IARS1: variants seen among roughly 807,000 people sequenced by gnomAD.
The protein encoded by IARS1 is isoleucine--tRNA ligase, cytoplasmic.
A neutral mutation model predicts 168.2 loss-of-function variants in IARS1; 124 were observed. The ratio of observed to expected loss-of-function variants is 0.74; its 90% confidence interval spans 0.64 to 0.86. The LOEUF is 0.86. Among genes scored for constraint, IARS1 ranks in the 40% least tolerant of loss-of-function variants. The probability of loss-of-function intolerance (pLI) is 0.00; values close to 1 mark genes in which losing one functional copy is unlikely to be tolerated. For synonymous variants in IARS1, 532 were observed against 529.4 expected (o/e 1.00, Z -0.07); for missense variants, 1,452 against 1,515.8 (o/e 0.96, Z 0.70).
chr9:92,280,245 T>C (rs975756856), intron 7 of IARS1, among the ~76,000 whole-genome samples: 4 of 152,244 alleles, frequency 2.6e-5, no homozygotes, highest in Non-Finnish European at 4.4e-5. Context: ...CATAGCTTTT[T>C]TCATGGCAAT....
At chr9:92,235,960 T>C (rs9409660) in intron 30 of IARS1, among the ~76,000 whole-genome samples, 17,303 of 152,178 alleles carry the variant, frequency 0.11, 1,119 homozygotes, top group South Asian at 0.22. Context: ...TTTATATTCA[T>C]GTGGAATATC....
chr9:92,272,031 T>C (rs2133877803), intron 10 of IARS1, among the ~76,000 whole-genome samples: 1 of 152,338 alleles, frequency 6.6e-6, no homozygotes, highest in Admixed American at 6.5e-5. Flanking sequence ...AAATCAAATT[T>C]GATTTATAAC....
At chr9:92,250,125 G>A in intron 24 of IARS1, 62 bp downstream of exon 24, 1 of 1,134,956 alleles carries the variant, frequency 8.8e-7, no homozygotes, top group Admixed American at 1.7e-5. Context: ...TATTAAAAAA[G>A]CATTCCAAAC....
At chr9:92,291,881 C>T (rs555693829) in intron 1 of IARS1, among the ~76,000 whole-genome samples, 2 of 152,120 alleles carry the variant, frequency 1.3e-5, no homozygotes, top group Non-Finnish European at 2.9e-5. Context: ...TAACAAGATC[C>T]CTAGGGGATG....
chr9:92,210,685 T>C lies in IARS1; in HGVS notation c.*122A>G. 1.5e-6 allele frequency: 1 copy of C among 652,170 alleles called. No individual in the cohort carries two copies. Among genetic ancestry groups the C allele is most frequent in the Non-Finnish European group, 2.8e-6 (1 of 356,558 alleles). 40.4% of individuals were successfully genotyped at this position (652,170 alleles called of 1,614,324 possible). A position where few individuals can be genotyped will look rare whatever the true frequency, so the allele number is the denominator to read the frequency against. On this transcript the variant is annotated 3_prime_UTR_variant, in exon 34 of 34. Transcript: ENST00000443024. ...CATTTGAATTTCAATCCAAGCAGCA[T>C]ATTTTACACACACCTGAAGGAAATA... is the stretch of plus-strand genomic sequence containing the variant.
In IARS1 at chr9:92,229,021, G is replaced by C. The variant is rs146003002; in HGVS notation, c.3389C>G (p.Ala1130Gly). 1.7e-5 allele frequency: 28 copies of C among 1,613,942 alleles called. No homozygotes were observed. In the African/African-American group the frequency reaches 2.5e-4, roughly 15 times the overall value. ...CATACCTGTTTCATCATGGAAGACA[G>C]CCAGCTCTGTATTTTTCACACCAAA... ...SIFGVKNTEL[A>G]VFHDETEIQN... The change falls in exon 31 of 34, where the codon GCT becomes GGT. Residue 1130 changes from alanine (A) to glycine (G), a missense_variant. Physicochemically the swap from Ala to Gly is moderately conservative, Grantham distance 60. Transcript: ENST00000443024.
intron 26 of IARS1, among the ~76,000 whole-genome samples, chr9:92,246,597 T>C (rs758860294): frequency 6.6e-6 from 1 of 152,170 alleles, no homozygotes; most frequent in Non-Finnish European, 1.5e-5. Context: ...TCCCAAATCT[T>C]CAATGTCAGC....
At chr9:92,293,384 T>C (rs1044626644) in intron 1 of IARS1, 7 of 479,320 alleles carry the variant, frequency 1.5e-5, no homozygotes, top group Non-Finnish European at 3.0e-5. Flanking sequence ...GTCACAGCTA[T>C]ATCAATTTAT....
At chr9:92,235,433 T>C (rs149237861) in intron 30 of IARS1, among the ~76,000 whole-genome samples, 1 of 152,262 alleles carries the variant, frequency 6.6e-6, no homozygotes, top group Non-Finnish European at 1.5e-5. Flanking sequence ...GAATGGGTGT[T>C]GAATTTGATC....
In IARS1 at chr9:92,268,307, T is replaced by C. The variant is rs374021299; in HGVS notation, c.1305-7A>G. ...TCGTACCAACTCTGGGACCCTGCAA[T>C]AAACAGATCACATAACCAATCACAT... On this transcript the variant is annotated splice_region_variant and splice_polypyrimidine_tract_variant and intron_variant, in intron 13 of 33. Coordinates refer to ENST00000443024, the MANE Select transcript of IARS1 (RefSeq NM_002161.6). The C allele has an allele frequency of 1.5e-4, 235 of 1,606,560 alleles. No individual in the cohort carries two copies. The African/African-American group carries it at 2.6e-3, about 18-fold the overall frequency.
At chr9:92,260,346 G>A (rs1038514855) in intron 17 of IARS1, 112 bp from the exon 18 acceptor site, 6 of 808,928 alleles carry the variant, frequency 7.4e-6, no homozygotes, top group Non-Finnish European at 1.1e-5. Flanking sequence ...ATGGGAAGGA[G>A]TAACTTAGAT....
intron 30 of IARS1, among the ~76,000 whole-genome samples, chr9:92,234,004 T>C (rs1423765062): frequency 6.6e-6 from 1 of 152,158 alleles, no homozygotes; most frequent in Non-Finnish European, 1.5e-5. Flanking sequence ...AAAGTAATCC[T>C]CCTGCCTAAG....
rs769590631 is a variant in IARS1 at position 92,271,654 on chromosome 9, T to C, written c.992A>G (p.Glu331Gly). The change falls in exon 11 of 34, where the codon GAG becomes GGG. Residue 331 changes from glutamate to glycine, a missense_variant and splice_region_variant. Transcript: ENST00000443024. ...AAAGTCCATACAGACCCGATAGTCC[T>C]CCTGAGAAAAGGCAAAAGAGAGGGA... ...VVHQAPYFGA[E>G]DYRVCMDFNI... 2.5e-6 allele frequency: 4 copies of C among 1,613,994 alleles called. No homozygotes were observed. Among genetic ancestry groups the C allele is most frequent in the Non-Finnish European group, 3.4e-6 (4 of 1,179,910 alleles).
In IARS1 at chr9:92,260,194, C is replaced by T. The variant is rs377474826; in HGVS notation, c.1828G>A (p.Asp610Asn). The change falls in exon 18 of 34, where the codon GAT becomes AAT. Residue 610 changes from aspartate (D) to asparagine (N), a missense_variant. By Grantham distance (23) the Asp-to-Asn change is conservative (BLOSUM62 1). Coordinates refer to ENST00000443024, the MANE Select transcript of IARS1 (RefSeq NM_002161.6). ...KMSKRKKNYP[D>N]PVSIIQKYGA... ...TACTTCTGGATGATGGAAACTGGAT[C>T]TGGATAATTCTTTTTCCGTTTGCTC... The T allele has an allele frequency of 1.1e-5, 18 of 1,614,014 alleles. No homozygotes were observed. Among genetic ancestry groups the T allele is most frequent in the Non-Finnish European group, 1.4e-5 (17 of 1,179,984 alleles).
chr9:92,221,780 G>A (rs1396196108), intron 33 of IARS1, among the ~76,000 whole-genome samples: 3 of 152,138 alleles, frequency 2.0e-5, no homozygotes, highest in East Asian at 1.9e-4. Context: ...ACAGTGTTAC[G>A]TGTCTCAAGG....
intron 19 of IARS1, 36 bp from the exon 20 acceptor site, chr9:92,256,836 TG>T (rs766841748): frequency 1.8e-4 from 284 of 1,582,720 alleles, no homozygotes; most frequent in Non-Finnish European, 2.3e-4. Flanking sequence ...CTGGCACACT[TG>T]GGAAGAAAGT....
intron 31 of IARS1, among the ~76,000 whole-genome samples, chr9:92,225,486 C>T (rs191686578): frequency 1.3e-5 from 2 of 151,740 alleles, no homozygotes; most frequent in Non-Finnish European, 2.9e-5. Flanking sequence ...ATCAACATCA[C>T]CCAAAGAAGG....
chr9:92,291,853 G>A lies in IARS1; in HGVS notation c.-8+1758C>T, dbSNP rs76915878. 3.8e-4 allele frequency among the ~76,000 whole-genome samples: 58 copies of A among 152,170 alleles called. No homozygotes were observed. In the East Asian group the frequency reaches 4.2e-3, roughly 11 times the overall value. On this transcript the variant is annotated intron_variant, in intron 1 of 33. Transcript: ENST00000443024. ...CTTACCAGCCTCACCTCGCACCTACGAGTCAGAACCTGCATTTTAACAAGA... is the reference window on the plus strand; with the variant it reads ...CTTACCAGCCTCACCTCGCACCTACAAGTCAGAACCTGCATTTTAACAAGA...
Position 92,282,222 on chromosome 9 carries a change from A to G in IARS1, c.598-1329T>C, listed in dbSNP as rs374242455. The stretch of plus-strand genomic sequence containing the variant: ...GATAAAGCAAATGTGGTAAAAGGTT[A>G]ACATTTAGGGAATCTAGTTGAAGGA... On this transcript the variant is annotated intron_variant, in intron 6 of 33. Transcript: ENST00000443024. Among the ~76,000 whole-genome samples the G allele has an allele frequency of 1.2e-4, 18 of 152,210 alleles. No homozygotes were observed. The East Asian group carries it at 2.7e-3, about 23-fold the overall frequency.
Sources: allele counts gnomAD v4.1 joint callset (sites outside exome capture counted in the v4.1 genomes callset), GRCh38; gene constraint gnomAD v4.1.1; transcripts MANE v1.5; gene names NCBI Gene and HGNC (gene_info 2026-07-23, HGNC 2026-07-21).